Variants in SYT14 observed in about 807,000 individuals in gnomAD.
The protein encoded by SYT14 is synaptotagmin-14.
SYT14 carries 32 observed loss-of-function variants against 74.2 expected under a neutral mutation model. The ratio of observed to expected loss-of-function variants is 0.43; its 90% CI spans 0.33 to 0.58. The LOEUF (loss-of-function observed/expected upper bound fraction) is 0.58, where lower values mean the gene tolerates loss of function less well. Ranked by LOEUF, SYT14 falls within the 20% of genes least tolerant of loss-of-function variation. SYT14 has a pLI of 0.05. For missense variants in SYT14, 791 were observed against 981.8 expected, an observed-to-expected ratio of 0.81 and a Z score of 2.60; for synonymous variants, 298 against 337.7, an observed-to-expected ratio of 0.88 and a Z score of 1.29.
intron 2 of SYT14, among the ~76,000 whole-genome samples, chr1:209,998,887 A>C (rs2079844244): frequency 6.6e-6 from 1 of 152,102 alleles, no homozygotes; most frequent in Non-Finnish European, 1.5e-5. Flanking sequence ...GTTAAGCAAT[A>C]TTTTATGGCT....
chr1:210,136,649 A>T (rs1385760337), intron 7 of SYT14, among the ~76,000 whole-genome samples: 4 of 152,172 alleles, frequency 2.6e-5, no homozygotes, highest in Non-Finnish European at 5.9e-5. Context: ...CAGTCAAAGC[A>T]TGGTGTTATG....
intron 5 of SYT14, among the ~76,000 whole-genome samples, chr1:210,026,632 A>ACG (rs2102975664): frequency 6.6e-6 from 1 of 150,934 alleles, no homozygotes; most frequent in East Asian, 2.0e-4. Context: ...ACACACACAC[A>ACG]CACACACACA....
At chr1:210,034,637 C>T (rs751560406) in intron 5 of SYT14, among the ~76,000 whole-genome samples, 1 of 151,694 alleles carries the variant, frequency 6.6e-6, no homozygotes, top group African/African-American at 2.4e-5. Context: ...ATTCCACTCT[C>T]TATGTCCAAT....
chr1:210,168,512 A>G (rs1275770634), exon 10 of SYT14: 1 of 152,240 alleles, frequency 6.6e-6, no homozygotes, highest in Admixed American at 6.5e-5. Flanking sequence ...TGTGTTTAAA[A>G]TGAATTAATA....
At chr1:209,957,004 T>C (rs761357542) in intron 2 of SYT14, among the ~76,000 whole-genome samples, 2 of 152,124 alleles carry the variant, frequency 1.3e-5, no homozygotes, top group Non-Finnish European at 2.9e-5. Flanking sequence ...TCTGCCTTTT[T>C]TTCTTCTGCA....
intron 7 of SYT14, among the ~76,000 whole-genome samples, chr1:210,154,117 T>C (rs1444640688): frequency 2.0e-5 from 3 of 152,214 alleles, no homozygotes; most frequent in Admixed American, 2.0e-4. Context: ...CTTATTTTTG[T>C]TTTGTATGTG....
intron 2 of SYT14, among the ~76,000 whole-genome samples, chr1:209,976,077 A>G (rs1397362790): frequency 6.6e-6 from 1 of 151,676 alleles, no homozygotes; most frequent in African/African-American, 2.4e-5. Context: ...TATTGCATCT[A>G]TTTGATTCTT....
chr1:209,942,798 A>G (rs1416647196), intron 1 of SYT14, among the ~76,000 whole-genome samples: 3 of 152,174 alleles, frequency 2.0e-5, no homozygotes, highest in Non-Finnish European at 4.4e-5. Context: ...CTGTTTTGCC[A>G]AAGTAAAAAA....
At chr1:210,050,892 A>G (rs1348303536) in intron 5 of SYT14, among the ~76,000 whole-genome samples, 1 of 152,196 alleles carries the variant, frequency 6.6e-6, no homozygotes, top group Non-Finnish European at 1.5e-5. Flanking sequence ...TGAGATTTGG[A>G]TGGAGACACA....
intron 2 of SYT14, among the ~76,000 whole-genome samples, chr1:210,011,614 T>C (rs967738679): frequency 1.3e-5 from 2 of 152,180 alleles, no homozygotes; most frequent in African/African-American, 2.4e-5. Context: ...CTATACCTGG[T>C]ATACCTAGTT....
At chr1:210,070,902 T>G (rs1366852302) in intron 5 of SYT14, among the ~76,000 whole-genome samples, 1 of 137,370 alleles carries the variant, frequency 7.3e-6, no homozygotes, top group African/African-American at 2.7e-5. Flanking sequence ...CAAAGATAGT[T>G]GGGTATAATT....
At chr1:209,965,850 T>C (rs1350985953) in intron 2 of SYT14, 7 of 446,732 alleles carry the variant, frequency 1.6e-5, no homozygotes, top group Admixed American at 1.2e-4. Flanking sequence ...CAATAGATTA[T>C]ATATTTATCG....
chr1:210,110,384 T>C (rs1339641464), intron 7 of SYT14, among the ~76,000 whole-genome samples: 3 of 152,212 alleles, frequency 2.0e-5, no homozygotes, highest in African/African-American at 7.2e-5. Flanking sequence ...GACAGGATGA[T>C]ACAAACTTTA....
At chr1:210,162,861 A>G (rs1393916687) in exon 10 of SYT14, 2 of 453,400 alleles carry the variant, frequency 4.4e-6, no homozygotes, top group Non-Finnish European at 8.8e-6. Flanking sequence ...AGGTTTGAGA[A>G]TGTGTGTTAC....
chr1:210,136,864 G>T (rs1480578625), intron 7 of SYT14, among the ~76,000 whole-genome samples: 1 of 152,120 alleles, frequency 6.6e-6, no homozygotes, highest in East Asian at 1.9e-4. Flanking sequence ...CATTCATGTG[G>T]AAATTTAATT....
intron 7 of SYT14, among the ~76,000 whole-genome samples, chr1:210,109,478 T>C (rs1032424199): frequency 1.3e-5 from 2 of 151,132 alleles, no homozygotes. Context: ...TTCGGGACGC[T>C]GAGGCAGGGG....
chr1:210,133,962 T>C (rs2082729612), intron 7 of SYT14, among the ~76,000 whole-genome samples: 1 of 151,972 alleles, frequency 6.6e-6, no homozygotes, highest in African/African-American at 2.4e-5. Context: ...GTTTCATTTG[T>C]ATAGGCAGAG....
At chr1:209,993,584 A>T (rs1180042524) in intron 2 of SYT14, among the ~76,000 whole-genome samples, 1 of 152,118 alleles carries the variant, frequency 6.6e-6, no homozygotes, top group Non-Finnish European at 1.5e-5. Flanking sequence ...CCAGACATGC[A>T]TTTCTCCTTA....
chr1:209,965,074 T>C (rs1282981776), intron 2 of SYT14, among the ~76,000 whole-genome samples: 5 of 152,206 alleles, frequency 3.3e-5, no homozygotes, highest in African/African-American at 9.7e-5. Flanking sequence ...TGACGAAGGC[T>C]ATTTTAAAAT....
Sources: gnomAD v4.1 joint callset for allele counts (sites outside exome capture counted in the v4.1 genomes callset) on GRCh38, gnomAD v4.1.1 for gene constraint, MANE v1.5 for transcripts, NCBI Gene and HGNC (gene_info 2026-07-23, HGNC 2026-07-21) for gene names.